SLC9C1: variants seen among roughly 807,000 people sequenced by gnomAD.
SLC9C1 encodes the protein solute carrier family 9 member C1, also known as sodium/hydrogen exchanger 10.
In SLC9C1, 97 loss-of-function variants were observed where a neutral mutation model predicts 140.9. That is an observed-to-expected ratio of 0.69 (90% confidence interval 0.58 to 0.82). The LOEUF (loss-of-function observed/expected upper bound fraction) is 0.82, where lower values mean the gene tolerates loss of function less well. Among genes scored for constraint, SLC9C1 ranks in the 40% least tolerant of loss-of-function variants. The pLI, the probability that SLC9C1 is intolerant of heterozygous loss-of-function variation, is 0.00. For synonymous variants in SLC9C1, 440 were observed against 442.6 expected, an observed-to-expected ratio of 0.99 and a Z score of 0.07; for missense variants, 1,340 against 1,389.3, an observed-to-expected ratio of 0.96 and a Z score of 0.56.
Position 112,221,178 on chromosome 3 carries a change from A to C in SLC9C1, c.1620T>G (p.Ala540=), listed in dbSNP as rs1419938335. 1 of 1,613,716 alleles carries C rather than the reference A, an allele frequency of 6.2e-7. No individual in the cohort carries two copies. The highest frequency in any genetic ancestry group is 1.7e-5 in the Admixed American group (1 of 59,952). Reference sequence around the variant, plus strand: ...CTGCTGCACCAACCAACACCTGGACAGCACTCTGGGACAGAATCTCATTCC... The same window carrying C: ...CTGCTGCACCAACCAACACCTGGACCGCACTCTGGGACAGAATCTCATTCC... The part of the protein sequence containing the change: ...QYRNEILSQS[A]VQVLVGAAES... Residue 540 remains alanine, a synonymous_variant, in exon 14 of 29, where the codon GCT becomes GCG. Transcript: ENST00000305815.
intron 25 of SLC9C1, among the ~76,000 whole-genome samples, chr3:112,168,366 CA>C (rs10579164): frequency 0.19 from 12,759 of 66,730 alleles, 668 homozygotes; most frequent in South Asian, 0.26. Context: ...CACACACACA[CA>C]ACTTCTTTCC....
chr3:112,275,029 C>T lies in SLC9C1; in HGVS notation c.485-4G>A. On this transcript the variant is annotated splice_region_variant and splice_polypyrimidine_tract_variant and intron_variant, in intron 5 of 28. Coordinates refer to ENST00000305815, the MANE Select transcript of SLC9C1 (RefSeq NM_183061.3). ...CTGATGAGGCTTCTAGAAAGCCCTA[C>T]ATATGTTGAGGGGGAAAGATGTTTT... 1 of 1,554,464 alleles carries T rather than the reference C, an allele frequency of 6.4e-7. No individual in the cohort carries two copies. The highest frequency in any genetic ancestry group is 8.6e-7 in the Non-Finnish European group (1 of 1,161,366).
At chr3:112,189,801 T>G (rs1444427405) in intron 20 of SLC9C1, among the ~76,000 whole-genome samples, 2 of 152,222 alleles carry the variant, frequency 1.3e-5, no homozygotes, top group Admixed American at 6.5e-5. Flanking sequence ...GGCATGGTAT[T>G]GAATCTATTA....
chr3:112,266,490 A>T (rs955618337), intron 7 of SLC9C1, 150 bp from the exon 8 acceptor site: 8 of 591,328 alleles, frequency 1.4e-5, no homozygotes, highest in Non-Finnish European at 2.4e-5. Context: ...AAATATTGCA[A>T]ATTATTACCA....
chr3:112,193,853 G>A (rs764701215), intron 20 of SLC9C1, among the ~76,000 whole-genome samples: 1 of 152,100 alleles, frequency 6.6e-6, no homozygotes, highest in Non-Finnish European at 1.5e-5. Context: ...GGCTGGAATT[G>A]TGGGTGGTGG....
chr3:112,181,025 G>A (rs2077429882), intron 21 of SLC9C1, among the ~76,000 whole-genome samples: 1 of 152,076 alleles, frequency 6.6e-6, no homozygotes. Flanking sequence ...CAAAGTGCTT[G>A]GATTACAGGC....
chr3:112,292,041 C>T (rs1305360190), intron 1 of SLC9C1, among the ~76,000 whole-genome samples: 1 of 152,170 alleles, frequency 6.6e-6, no homozygotes, highest in Non-Finnish European at 1.5e-5. Context: ...ACTGCATGTT[C>T]TCACTTATAA....
Position 112,204,322 on chromosome 3 carries a change from C to A in SLC9C1, c.2068G>T (p.Val690Leu), listed in dbSNP as rs1299692199. ...LAITLIGILHVILIEIDTIKY... is the reference protein window; with the variant it reads ...LAITLIGILHLILIEIDTIKY... ...ATGGTGTCTATTTCAATAAGTATTA[C>A]ATGTAAGATGCCAATTAATGTAATT... The change falls in exon 17 of 29, where the codon GTA becomes TTA. Residue 690 changes from valine to leucine, a missense_variant. By Grantham distance (32) the Val-to-Leu change is conservative. Coordinates refer to ENST00000305815, the MANE Select transcript of SLC9C1 (RefSeq NM_183061.3). The A allele has an allele frequency of 6.4e-7, 1 of 1,573,068 alleles. No individual in the cohort carries two copies.
At chr3:112,157,726 A>C (rs13088733) in intron 26 of SLC9C1, among the ~76,000 whole-genome samples, 60,657 of 150,728 alleles carry the variant, frequency 0.4, 12,673 homozygotes, top group East Asian at 0.63. Flanking sequence ...TTTCTTGTAG[A>C]GATCTTTCAC....
chr3:112,150,809 TAAATACATATACATATATATATATATATA>T (rs1260635818), intron 28 of SLC9C1, among the ~76,000 whole-genome samples: 993 of 98,812 alleles, frequency 0.01, 21 homozygotes, highest in African/African-American at 0.03. Context: ...TATATATATA[TAAATACATATACATATATATATATATATA>T]TATTTTTTTT....
At chr3:112,175,962 T>A (rs1220480256) in intron 23 of SLC9C1, among the ~76,000 whole-genome samples, 1 of 152,226 alleles carries the variant, frequency 6.6e-6, no homozygotes, top group African/African-American at 2.4e-5. Context: ...AGACCATCAT[T>A]GGTCAGTCCC....
At chr3:112,202,670 T>C (rs1576329970) in intron 17 of SLC9C1, among the ~76,000 whole-genome samples, 1 of 152,124 alleles carries the variant, frequency 6.6e-6, no homozygotes, top group East Asian at 1.9e-4. Flanking sequence ...TTGGATGCTA[T>C]TTTCAACTGG....
chr3:112,187,530 A>G (rs932932051), intron 20 of SLC9C1, among the ~76,000 whole-genome samples: 1 of 152,194 alleles, frequency 6.6e-6, no homozygotes, highest in Non-Finnish European at 1.5e-5. Flanking sequence ...CCAATAGAAG[A>G]TCAAGCGAGA....
intron 10 of SLC9C1, among the ~76,000 whole-genome samples, chr3:112,246,654 T>G (rs957144198): frequency 6.6e-6 from 1 of 152,178 alleles, no homozygotes; most frequent in Non-Finnish European, 1.5e-5. Context: ...TTTTAAAATC[T>G]AATTTTTTAG....
intron 10 of SLC9C1, among the ~76,000 whole-genome samples, chr3:112,254,707 A>T (rs896815249): frequency 2.6e-5 from 4 of 152,110 alleles, no homozygotes; most frequent in African/African-American, 9.7e-5. Flanking sequence ...TAACCAGCTA[A>T]CAACACAATG....
Position 112,181,445 on chromosome 3 carries a change from TA to T in SLC9C1, c.2649+687del, listed in dbSNP as rs372182124. 1.0e-3 allele frequency among the ~76,000 whole-genome samples: 152 copies of T among 152,280 alleles called. 3 individuals are homozygous for T. In the East Asian group the frequency reaches 0.013, roughly 13 times the overall value. ...GGTCTTTTGACATCAAATAGATATT[TA>T]AAAAAAGAATATTAGAACAAGTTAG... On this transcript the variant is annotated intron_variant, in intron 21 of 28. Transcript: ENST00000305815.
At chr3:112,158,693 G>T (rs540396771) in intron 26 of SLC9C1, among the ~76,000 whole-genome samples, 128 of 151,758 alleles carry the variant, frequency 8.4e-4, no homozygotes, top group African/African-American at 3.0e-3. Context: ...CTTTGATCTT[G>T]TTATGTGTTA....
chr3:112,180,774 C>A, intron 21 of SLC9C1, 112 bp from the exon 22 acceptor site: 2 of 850,422 alleles, frequency 2.4e-6, no homozygotes, highest in Admixed American at 2.5e-5. Flanking sequence ...CTCGCTCTGT[C>A]ACCCATACTG....
At chr3:112,270,890 C>T (rs534590125) in intron 6 of SLC9C1, among the ~76,000 whole-genome samples, 6 of 152,138 alleles carry the variant, frequency 3.9e-5, no homozygotes, top group South Asian at 4.1e-4. Flanking sequence ...ATTTTTTAAT[C>T]GGGTTATTTA....
Sources: allele counts gnomAD v4.1 joint callset (sites outside exome capture counted in the v4.1 genomes callset), GRCh38; gene constraint gnomAD v4.1.1; transcripts MANE v1.5; gene names NCBI Gene and HGNC (gene_info 2026-07-23, HGNC 2026-07-21).